Variants in MEGF10 observed in about 807,000 individuals in gnomAD.
MEGF10 encodes the protein multiple EGF like domains 10.
A neutral mutation model predicts 147.5 loss-of-function variants in MEGF10; 86 were observed. The observed-to-expected ratio is 0.58, with a 90% confidence interval of 0.49 to 0.70. MEGF10 has a LOEUF of 0.70. MEGF10 is among the 30% of genes least tolerant of loss of function. The pLI is 0.00. For missense variants in MEGF10, 1,329 were observed against 1,487.3 expected (o/e 0.89, Z 1.75); for synonymous variants, 478 against 525.5 (o/e 0.91, Z 1.24).
the MEGF10 span, among the ~76,000 whole-genome samples, chr5:127,269,610 T>G: frequency 1.3e-5 from 2 of 152,234 alleles, no homozygotes; most frequent in Non-Finnish European, 2.9e-5. Flanking sequence ...AATCTATGTC[T>G]GATTGATGTA....
intron 4 of MEGF10, among the ~76,000 whole-genome samples, chr5:127,344,270 G>A (rs575835686): frequency 6.6e-6 from 1 of 152,180 alleles, no homozygotes; most frequent in Admixed American, 6.6e-5. Flanking sequence ...ATGCATTTCA[G>A]ACAACAACGA....
chr5:127,412,142 A>G (rs1308838765), intron 9 of MEGF10, among the ~76,000 whole-genome samples: 1 of 152,256 alleles, frequency 6.6e-6, no homozygotes, highest in East Asian at 1.9e-4. Context: ...AAAGAAGTAC[A>G]TGACATTTTT....
In MEGF10 at chr5:127,449,112, A is replaced by G. The variant is rs1766057687; in HGVS notation, c.2870A>G (p.Gln957Arg). Residue 957 changes from glutamine to arginine, a missense_variant, in exon 22 of 25, where the codon CAA becomes CGA. By Grantham distance (43) the Gln-to-Arg change is conservative. Around this residue, in one of 3 missense-constraint regions of MEGF10, gnomAD observed 343 missense variants for 377.9 expected, o/e 0.91. Transcript: ENST00000503335. ...TATTTTTAACAGTCAAAAAACAATC[A>G]ACTGTTTGTGAATCTTAAAAATGTG... ...RMTVTKSKNN[Q>R]LFVNLKNVNP... is the part of the protein sequence containing the mutation. The G allele has an allele frequency of 2.5e-6, 4 of 1,614,098 alleles. No individual in the cohort carries two copies. The highest frequency in any genetic ancestry group is 3.4e-6 in the Non-Finnish European group (4 of 1,179,996).
rs1039971241 is a variant in MEGF10 at position 127,410,615 on chromosome 5, T to C, written c.1130+14T>C. ...AAACACTCATAGGTGAGTGTCAGCT[T>C]CCCCTGGAAGGACGTGTCCTGTGAA... On this transcript the variant is annotated intron_variant, in intron 9 of 24. Coordinates refer to ENST00000503335, the MANE Select transcript of MEGF10 (RefSeq NM_001256545.2). The C allele has an allele frequency of 2.0e-5, 31 of 1,586,122 alleles. No homozygotes were observed. The African/African-American group carries it at 2.3e-4, about 12-fold the overall frequency.
rs192557413 is a variant in MEGF10, at chr5:127,363,077, T to A, written c.320-6833T>A. On this transcript the variant is annotated intron_variant, in intron 4 of 24. Coordinates refer to ENST00000503335, the MANE Select transcript of MEGF10 (RefSeq NM_001256545.2). The stretch of plus-strand genomic sequence containing the variant: ...GATTTCTAATTCCCCTCATATCTTT[T>A]GGTCATCCCACTTGCACTAGGTCGT... Among the ~76,000 whole-genome samples, 75 of 152,334 alleles carry A rather than the reference T, an allele frequency of 4.9e-4. 1 individual carries two copies. Among genetic ancestry groups the A allele is most frequent in the Admixed American group, 4.1e-3 (63 of 15,304 alleles).
intron 21 of MEGF10, among the ~76,000 whole-genome samples, chr5:127,448,875 G>T (rs1314835853): frequency 6.6e-6 from 1 of 150,468 alleles, no homozygotes. Flanking sequence ...AGAGTGAAAT[G>T]AAGATCTTGA....
chr5:127,256,171 C>A, the MEGF10 span, among the ~76,000 whole-genome samples: 47 of 152,182 alleles, frequency 3.1e-4, no homozygotes, highest in African/African-American at 1.1e-3. Flanking sequence ...CTGTTAGACC[C>A]TTTTCTTTAA....
At chr5:127,235,380 TCCTC>T in the MEGF10 span, among the ~76,000 whole-genome samples, 1 of 152,214 alleles carries the variant, frequency 6.6e-6, no homozygotes, top group African/African-American at 2.4e-5. Context: ...TTATGTTTCT[TCCTC>T]CCTACGACCA....
At chr5:127,281,136 C>G in the MEGF10 span, among the ~76,000 whole-genome samples, 1 of 152,172 alleles carries the variant, frequency 6.6e-6, no homozygotes, top group African/African-American at 2.4e-5. Context: ...AGACCAGTTC[C>G]GAGGAATGAT....
At position 127,440,788 on chromosome 5, in the gene MEGF10, T is replaced by A; in HGVS notation, c.2283T>A (p.Cys761Ter). 1 of 1,614,118 alleles carries A rather than the reference T, an allele frequency of 6.2e-7. No homozygotes were observed. The highest frequency in any genetic ancestry group is 8.5e-7 in the Non-Finnish European group (1 of 1,179,964). ...YGKDCALICQ[C>*]QNGADCDHIS... ...AAGATTGTGCACTGATATGCCAATG[T>A]CAAAACGGAGCTGACTGCGACCACA... Residue 761 changes from cysteine (C) to a stop codon, truncating the protein, a stop_gained, in exon 18 of 25, where the codon TGT becomes TGA. Transcript: ENST00000503335. LOFTEE classifies it high-confidence loss of function.
Position 127,331,294 on chromosome 5 carries a change from GTTC to G in MEGF10, c.-11_-9del. ...TGGGATTTTTTCTTTCTTGTAGGTT[GTTC>G]TTCAGAAAAAAATGGTTATTTCTTT... On this transcript the variant is annotated 5_prime_UTR_variant, in exon 2 of 25. Transcript: ENST00000503335. 1 of 1,513,864 alleles carries G rather than the reference GTTC, an allele frequency of 6.6e-7. No individual in the cohort carries two copies. The highest frequency in any genetic ancestry group is 1.7e-5 in the Admixed American group (1 of 58,608). The allele number at this position is 1,513,864 out of a possible 1,614,324, so 93.8% of individuals were successfully genotyped here.
Position 127,396,511 on chromosome 5 carries a change from T to C in MEGF10, c.413-21T>C, listed in dbSNP as rs763402228. On this transcript the variant is annotated intron_variant, in intron 5 of 24. Coordinates refer to ENST00000503335, the MANE Select transcript of MEGF10 (RefSeq NM_001256545.2). ...TTCTCCCTTACCCACTGATATCCAC[T>C]GTTTCTCTCCTCAATCTCAGCCTGC... The C allele has an allele frequency of 5.3e-6, 8 of 1,509,454 alleles. No individual in the cohort carries two copies. In the Admixed American group the frequency reaches 1.5e-4, roughly 28 times the overall value. The allele number at this position is 1,509,454 out of a possible 1,614,324, so 93.5% of individuals were successfully genotyped here. A position where few individuals can be genotyped will look rare whatever the true frequency, so the allele number is the denominator to read the frequency against.
the MEGF10 span, among the ~76,000 whole-genome samples, chr5:127,260,993 C>T: frequency 2.0e-5 from 3 of 152,256 alleles, no homozygotes; most frequent in East Asian, 5.8e-4. Context: ...AACTGTAGTG[C>T]AGTTCCTATG....
chr5:127,305,144 G>A (rs141970626), intron 1 of MEGF10, among the ~76,000 whole-genome samples: 53 of 152,246 alleles, frequency 3.5e-4, no homozygotes, highest in African/African-American at 1.1e-3. Flanking sequence ...ACATTAGTGA[G>A]GCCAAAAGGT....
At chr5:127,320,467 AT>A (rs2126760692) in intron 1 of MEGF10, among the ~76,000 whole-genome samples, 1 of 146,976 alleles carries the variant, frequency 6.8e-6, no homozygotes, top group African/African-American at 2.4e-5. Context: ...ATCAGTCTAG[AT>A]ACCACAGGAA....
the MEGF10 span, among the ~76,000 whole-genome samples, chr5:127,246,186 C>G: frequency 6.6e-6 from 1 of 152,198 alleles, no homozygotes; most frequent in South Asian, 2.1e-4. Flanking sequence ...TTCACAATAG[C>G]AAAGACTTGG....
chr5:127,412,694 A>G (rs1764619828), intron 9 of MEGF10, among the ~76,000 whole-genome samples: 1 of 152,222 alleles, frequency 6.6e-6, no homozygotes, highest in African/African-American at 2.4e-5. Context: ...ACAAACAAAC[A>G]AACAAACAAA....
At chr5:127,252,704 T>G in the MEGF10 span, among the ~76,000 whole-genome samples, 1 of 151,928 alleles carries the variant, frequency 6.6e-6, no homozygotes, top group Non-Finnish European at 1.5e-5. Context: ...ATTTTTAGTC[T>G]TTTCAATTAG....
intron 1 of MEGF10, among the ~76,000 whole-genome samples, chr5:127,323,409 G>A (rs966956484): frequency 6.6e-6 from 1 of 152,186 alleles, no homozygotes. Flanking sequence ...CAAAGTACAG[G>A]CATTGTGAGG....
Sources: gnomAD v4.1 joint callset for allele counts (sites outside exome capture counted in the v4.1 genomes callset) on GRCh38, gnomAD v4.1.1 for gene constraint, gnomAD v4.1.1 regional missense constraint, MANE v1.5 for transcripts, NCBI Gene and HGNC (gene_info 2026-07-23, HGNC 2026-07-21) for gene names.